Variants in CLMN observed in about 807,000 individuals in gnomAD.
The protein encoded by CLMN is calmin (calponin-like, transmembrane).
CLMN carries 57 observed loss-of-function variants against 92.7 expected under a neutral mutation model. That is an observed-to-expected ratio of 0.61 (90% CI 0.50 to 0.77). The LOEUF (loss-of-function observed/expected upper bound fraction) is 0.77, where lower values mean the gene tolerates loss of function less well. CLMN is among the 30% of genes least tolerant of loss of function. The pLI, the probability that CLMN is intolerant of heterozygous loss-of-function variation, is 0.00. For synonymous variants in CLMN, 466 were observed against 470.6 expected, an observed-to-expected ratio of 0.99 and a Z score of 0.13; for missense variants, 1,158 against 1,237.5, an observed-to-expected ratio of 0.94 and a Z score of 0.96.
At chr14:95,284,069 C>T (rs1900245767) in intron 1 of CLMN, among the ~76,000 whole-genome samples, 1 of 152,120 alleles carries the variant, frequency 6.6e-6, no homozygotes, top group African/African-American at 2.4e-5. Context: ...CTGTGTGCAG[C>T]CTAGGGACTT....
intron 4 of CLMN, among the ~76,000 whole-genome samples, chr14:95,219,472 C>T (rs1040680618): frequency 3.3e-5 from 5 of 152,182 alleles, no homozygotes; most frequent in Admixed American, 6.5e-5. Flanking sequence ...AGGGGGGTGA[C>T]GCAGTGAGAG....
rs553778553 is a variant in CLMN, at chr14:95,221,725, A to G, written c.290T>C (p.Ile97Thr). The change falls in exon 4 of 13, where the codon ATA (isoleucine) becomes ACA (threonine). Residue 97 changes from isoleucine (I) to threonine (T), a missense_variant. Ile to Thr is a moderately conservative substitution (Grantham distance 89). Transcript: ENST00000298912. ...TTCCAAAAACTTAAGTGCTTTCGCT[A>G]TGTTGTTCAACCGAAAAATACGATG... Reference protein sequence around the residue: ...SSHRIFRLNNIAKALKFLEDS... With the variant: ...SSHRIFRLNNTAKALKFLEDS... 1 of 1,614,234 alleles carries G rather than the reference A, an allele frequency of 6.2e-7. No individual in the cohort carries two copies. The highest frequency in any genetic ancestry group is 1.1e-5 in the South Asian group (1 of 91,080).
At chr14:95,195,406 C>G (rs1332359049) in intron 10 of CLMN, among the ~76,000 whole-genome samples, 1 of 152,206 alleles carries the variant, frequency 6.6e-6, no homozygotes, top group Non-Finnish European at 1.5e-5. Flanking sequence ...TGCCTTGGCC[C>G]TCCTCCCCCT....
chr14:95,194,608 A>G lies in CLMN; in HGVS notation c.2709-12T>C. The G allele has an allele frequency of 6.2e-7, 1 of 1,613,404 alleles. No homozygotes were observed. On this transcript the variant is annotated splice_polypyrimidine_tract_variant and intron_variant, in intron 10 of 12. Transcript: ENST00000298912. The surrounding 1 kb of genome is among the most constrained non-coding windows in gnomAD (Gnocchi z 4.0). Reference sequence around the variant, plus strand: ...CACTGTGACTAGTCCTGAAAAACAAACACATGTTTTGAATTGGTACCACCT... The same window carrying G: ...CACTGTGACTAGTCCTGAAAAACAAGCACATGTTTTGAATTGGTACCACCT...
At chr14:95,289,018 A>G (rs528747747) in intron 1 of CLMN, among the ~76,000 whole-genome samples, 1 of 152,308 alleles carries the variant, frequency 6.6e-6, no homozygotes, top group East Asian at 1.9e-4. Flanking sequence ...TGGGAATCAC[A>G]ATAGGGGTTA....
At chr14:95,202,576 A>G (rs1298475931) in intron 9 of CLMN, among the ~76,000 whole-genome samples, 2 of 152,162 alleles carry the variant, frequency 1.3e-5, no homozygotes, top group Non-Finnish European at 2.9e-5. Context: ...TGATCCTCAG[A>G]GCATACCTGT....
At chr14:95,312,226 C>G (rs1901573651) in intron 1 of CLMN, among the ~76,000 whole-genome samples, 1 of 152,186 alleles carries the variant, frequency 6.6e-6, no homozygotes, top group East Asian at 1.9e-4. Context: ...ACCCTATCCT[C>G]TCTGTACTGA....
rs1473536676 is a variant in CLMN at position 95,319,711 on chromosome 14, C to T, written c.82G>A (p.Val28Ile). 1.3e-6 allele frequency: 2 copies of T among 1,596,698 alleles called. No homozygotes were observed. The highest frequency in any genetic ancestry group is 1.7e-6 in the Non-Finnish European group (2 of 1,176,184). The change falls in exon 1 of 13, where the codon GTT (valine) becomes ATT (isoleucine). Residue 28 changes from valine to isoleucine, a missense_variant and splice_region_variant. Val to Ile is a conservative substitution (Grantham distance 29). Coordinates refer to ENST00000298912, the MANE Select transcript of CLMN (RefSeq NM_024734.4). ...ISDIRVQNLQ[V>I]ERENVQKRTF... ...CCGGGGCGAGCCTGGGCTGCGTTACCTTGCAGGTTCTGCACTCGGATGTCG... is the reference window on the plus strand; with the variant it reads ...CCGGGGCGAGCCTGGGCTGCGTTACTTTGCAGGTTCTGCACTCGGATGTCG...
intron 8 of CLMN, among the ~76,000 whole-genome samples, chr14:95,205,970 C>T (rs563342155): frequency 1.4e-4 from 21 of 151,998 alleles, no homozygotes; most frequent in Admixed American, 3.3e-4. Flanking sequence ...CCCGTATAAA[C>T]GTATGAAAAA....
intron 1 of CLMN, among the ~76,000 whole-genome samples, chr14:95,298,037 C>T (rs547511355): frequency 1.3e-5 from 2 of 152,180 alleles, no homozygotes; most frequent in South Asian, 2.1e-4. Flanking sequence ...CAGCAGCACA[C>T]GAGAGCTCCA....
chr14:95,309,569 G>C (rs1362713616), intron 1 of CLMN, among the ~76,000 whole-genome samples: 2 of 152,224 alleles, frequency 1.3e-5, no homozygotes, highest in Non-Finnish European at 2.9e-5. Context: ...CCTAGGTAAA[G>C]AGTCTGTTGG....
At chr14:95,296,658 G>A (rs1299726742) in intron 1 of CLMN, among the ~76,000 whole-genome samples, 1 of 152,138 alleles carries the variant, frequency 6.6e-6, no homozygotes, top group African/African-American at 2.4e-5. Flanking sequence ...CTTCTGTCAC[G>A]CTGCCTGAAA....
intron 1 of CLMN, among the ~76,000 whole-genome samples, chr14:95,260,852 T>C (rs1444124332): frequency 6.6e-6 from 1 of 152,034 alleles, no homozygotes; most frequent in East Asian, 1.9e-4. Flanking sequence ...TTCTATGAAG[T>C]TGTGGTCAAC....
intron 10 of CLMN, 68 bp downstream of exon 10, chr14:95,196,430 C>A: frequency 6.7e-7 from 1 of 1,484,732 alleles, no homozygotes. Flanking sequence ...CCCATCAAAT[C>A]AGAAACTGCA....
intron 1 of CLMN, among the ~76,000 whole-genome samples, chr14:95,304,960 C>T (rs1901215214): frequency 6.6e-6 from 1 of 152,164 alleles, no homozygotes; most frequent in African/African-American, 2.4e-5. Flanking sequence ...GGAAGGACAC[C>T]CATGTACTCG....
At chr14:95,305,707 T>C (rs1901248555) in intron 1 of CLMN, among the ~76,000 whole-genome samples, 1 of 152,148 alleles carries the variant, frequency 6.6e-6, no homozygotes, top group Admixed American at 6.5e-5. Flanking sequence ...GGGCACAGCA[T>C]AATGGATGAA....
At chr14:95,261,298 G>A (rs1037733036) in intron 1 of CLMN, among the ~76,000 whole-genome samples, 8 of 151,960 alleles carry the variant, frequency 5.3e-5, no homozygotes, top group African/African-American at 1.9e-4. Flanking sequence ...TTTCACCTCC[G>A]CTGGGAACGT....
intron 1 of CLMN, among the ~76,000 whole-genome samples, chr14:95,288,495 G>A (rs890922730): frequency 2.6e-4 from 39 of 152,200 alleles, no homozygotes; most frequent in African/African-American, 9.2e-4. Flanking sequence ...ACAGCAGCTG[G>A]AGCACAGGGT....
chr14:95,254,910 G>T (rs555164477), intron 1 of CLMN, among the ~76,000 whole-genome samples: 1 of 152,284 alleles, frequency 6.6e-6, no homozygotes, highest in Non-Finnish European at 1.5e-5. Context: ...GACTAGGCTG[G>T]TTTTGAACTC....
Sources: allele counts gnomAD v4.1 joint callset (sites outside exome capture counted in the v4.1 genomes callset), GRCh38; gene constraint gnomAD v4.1.1; non-coding constraint Gnocchi (gnomAD v3.1); transcripts MANE v1.5; gene names NCBI Gene and HGNC (gene_info 2026-07-23, HGNC 2026-07-21).